Variants in CDH6 observed in about 807,000 individuals in gnomAD.
CDH6 encodes cadherin-6.
Under a neutral mutation model 78.0 loss-of-function variants are expected in CDH6, and 31 were observed. That is an observed-to-expected ratio of 0.40 (90% CI 0.30 to 0.54). CDH6 has a LOEUF of 0.54. Among genes scored for constraint, CDH6 ranks in the 20% least tolerant of loss-of-function variants. CDH6 has a pLI of 0.56. For synonymous variants in CDH6, 376 were observed against 368.8 expected, an observed-to-expected ratio of 1.02 and a Z score of -0.23; for missense variants, 724 against 975.9, an observed-to-expected ratio of 0.74 and a Z score of 3.44.
At chr5:31,282,518 G>A (rs1423576002) in intron 2 of CDH6, among the ~76,000 whole-genome samples, 2 of 151,858 alleles carry the variant, frequency 1.3e-5, no homozygotes, top group Non-Finnish European at 2.9e-5. Context: ...GGCTCACCTG[G>A]GTAATCCAAG....
intron 6 of CDH6, among the ~76,000 whole-genome samples, chr5:31,303,303 C>T (rs940284959): frequency 6.6e-6 from 1 of 152,038 alleles, no homozygotes; most frequent in Non-Finnish European, 1.5e-5. Context: ...AACAAATATA[C>T]AACTACAAAT....
rs185826888 is a variant in CDH6, at chr5:31,204,438, T to G, written c.-129+10552T>G. Among the ~76,000 whole-genome samples the G allele has an allele frequency of 1.7e-3, 260 of 152,260 alleles. 1 individual carries two copies. The highest frequency in any genetic ancestry group is 6.0e-3 in the African/African-American group (249 of 41,568). On this transcript the variant is annotated intron_variant, in intron 1 of 11. Coordinates refer to ENST00000265071, the MANE Select transcript of CDH6 (RefSeq NM_004932.4). ...TTAAAATATGAAGTTGGAAGCAACATAAGAGTAAAGTGCTCTCAAGCAACT... is the reference window on the plus strand; with the variant it reads ...TTAAAATATGAAGTTGGAAGCAACAGAAGAGTAAAGTGCTCTCAAGCAACT...
intron 6 of CDH6, among the ~76,000 whole-genome samples, chr5:31,302,968 G>GAAAGAAAGAAAGA (rs1554010082): frequency 0.012 from 1,451 of 119,056 alleles, 87 homozygotes; most frequent in East Asian, 0.035. Flanking sequence ...GGAAAGAAAA[G>GAAAGAAAGAAAGA]AAAGAAAGAA....
intron 2 of CDH6, among the ~76,000 whole-genome samples, chr5:31,289,967 A>C (rs1743111748): frequency 6.7e-6 from 1 of 149,438 alleles, no homozygotes; most frequent in Non-Finnish European, 1.5e-5. Context: ...TGCTGTATTA[A>C]AAAAAAAAAT....
intron 7 of CDH6, among the ~76,000 whole-genome samples, chr5:31,308,881 A>G (rs1738070099): frequency 6.6e-6 from 1 of 152,140 alleles, no homozygotes; most frequent in East Asian, 1.9e-4. Context: ...AGCTTACAGA[A>G]GCAGCACATC....
At chr5:31,275,535 C>T (rs1167485518) in intron 2 of CDH6, among the ~76,000 whole-genome samples, 2 of 152,170 alleles carry the variant, frequency 1.3e-5, no homozygotes, top group African/African-American at 2.4e-5. Flanking sequence ...GACATGATTT[C>T]ATTCTTTTTT....
rs1738365474 is a variant in CDH6 at position 31,317,746 on chromosome 5, G to A, written c.1704G>A (p.Val568=). 1.2e-6 allele frequency: 2 copies of A among 1,614,108 alleles called. No homozygotes were observed. Residue 568 remains valine (V), a synonymous_variant, in exon 11 of 12, where the codon GTG becomes GTA. Transcript: ENST00000265071. Reference sequence around the variant, plus strand: ...AGATGAGCACCTATCTCTTGCCTGTGGTCATTTCAGACAACGACTACCCAG... The same window carrying A: ...AGATGAGCACCTATCTCTTGCCTGTAGTCATTTCAGACAACGACTACCCAG... ...RHEMSTYLLP[V]VISDNDYPVQ...
At chr5:31,241,119 G>A (rs916202987) in intron 1 of CDH6, among the ~76,000 whole-genome samples, 1 of 152,202 alleles carries the variant, frequency 6.6e-6, no homozygotes, top group Non-Finnish European at 1.5e-5. Context: ...CAGGTACAGA[G>A]AGGAGAAAAT....
chr5:31,246,894 C>G (rs1026863604), intron 1 of CDH6, among the ~76,000 whole-genome samples: 5 of 152,064 alleles, frequency 3.3e-5, no homozygotes, highest in Admixed American at 6.5e-5. Flanking sequence ...AGCTTACTGG[C>G]AGGTGCCACT....
chr5:31,318,241 G>A (rs531830932), intron 11 of CDH6: 3 of 570,462 alleles, frequency 5.3e-6, no homozygotes, highest in African/African-American at 1.9e-5. Context: ...CATTCGTTGT[G>A]TAATTTTTTT....
At chr5:31,221,856 A>G (rs1230068124) in intron 1 of CDH6, among the ~76,000 whole-genome samples, 1 of 152,120 alleles carries the variant, frequency 6.6e-6, no homozygotes, top group Non-Finnish European at 1.5e-5. Flanking sequence ...ACGAGTTAGG[A>G]GTTTTTGAGA....
chr5:31,242,639 G>A (rs1367554837), intron 1 of CDH6, among the ~76,000 whole-genome samples: 1 of 151,002 alleles, frequency 6.6e-6, no homozygotes, highest in East Asian at 2.0e-4. Flanking sequence ...ACAAGAGGGA[G>A]GAGATCTGAT....
At chr5:31,289,102 T>A (rs1397740939) in intron 2 of CDH6, among the ~76,000 whole-genome samples, 1 of 152,140 alleles carries the variant, frequency 6.6e-6, no homozygotes, top group Non-Finnish European at 1.5e-5. Context: ...ACCCAGTAGG[T>A]GATTTTTCAG....
chr5:31,231,974 A>G (rs1741322525), intron 1 of CDH6, among the ~76,000 whole-genome samples: 1 of 152,062 alleles, frequency 6.6e-6, no homozygotes, highest in Admixed American at 6.6e-5. Context: ...TTTTCAAATC[A>G]CCCTGATTTG....
intron 2 of CDH6, among the ~76,000 whole-genome samples, chr5:31,285,770 C>T (rs1427650811): frequency 1.3e-5 from 2 of 152,144 alleles, no homozygotes; most frequent in Admixed American, 1.3e-4. Context: ...TTATGATGGT[C>T]AATGAATTCA....
At chr5:31,283,160 G>T (rs188985404) in intron 2 of CDH6, among the ~76,000 whole-genome samples, 2 of 152,190 alleles carry the variant, frequency 1.3e-5, no homozygotes, top group Non-Finnish European at 2.9e-5. Flanking sequence ...GCACCTAGTA[G>T]GTAGGGACAA....
chr5:31,301,545 G>T (rs983094158), intron 5 of CDH6, among the ~76,000 whole-genome samples: 1 of 151,958 alleles, frequency 6.6e-6, no homozygotes, highest in Non-Finnish European at 1.5e-5. Flanking sequence ...AGAGTCAAAA[G>T]AAAAAAATTA....
chr5:31,196,461 C>G (rs4130585), intron 1 of CDH6, among the ~76,000 whole-genome samples: 4 of 152,010 alleles, frequency 2.6e-5, no homozygotes, highest in African/African-American at 9.7e-5. Context: ...CCTTCTGGCC[C>G]GGTAGTTGCT....
At chr5:31,245,091 C>G (rs1175477331) in intron 1 of CDH6, among the ~76,000 whole-genome samples, 1 of 152,190 alleles carries the variant, frequency 6.6e-6, no homozygotes, top group Non-Finnish European at 1.5e-5. Context: ...TCTCTTGCCC[C>G]AGTGCAGACT....
Sources: gnomAD v4.1 joint callset for allele counts (sites outside exome capture counted in the v4.1 genomes callset) on GRCh38, gnomAD v4.1.1 for gene constraint, MANE v1.5 for transcripts, NCBI Gene and HGNC (gene_info 2026-07-23, HGNC 2026-07-21) for gene names.